Variants in NECAB1 observed in about 807,000 individuals in gnomAD.
NECAB1 encodes N-terminal EF-hand calcium binding protein 1.
A neutral mutation model predicts 57.5 loss-of-function variants in NECAB1; 29 were observed. The ratio of observed to expected loss-of-function variants is 0.50; its 90% CI spans 0.38 to 0.69. NECAB1 has a LOEUF of 0.69. NECAB1 is among the 30% of genes least tolerant of loss of function. NECAB1 has a pLI of 0.00. For missense variants in NECAB1, 372 were observed against 413.8 expected (o/e 0.90, Z 0.88); for synonymous variants, 142 against 147.7 (o/e 0.96, Z 0.28).
At chr8:90,849,233 G>A (rs1211859266) in intron 3 of NECAB1, among the ~76,000 whole-genome samples, 30 of 152,316 alleles carry the variant, frequency 2.0e-4, no homozygotes. Flanking sequence ...ACTGTGGGAA[G>A]CCACAGAAGG....
At chr8:90,840,949 T>C (rs1812443765) in intron 3 of NECAB1, among the ~76,000 whole-genome samples, 2 of 67,702 alleles carry the variant, frequency 3.0e-5, no homozygotes, top group African/African-American at 7.0e-5. Flanking sequence ...GTAAATCTAT[T>C]CAAAAAAAAA....
At chr8:90,886,573 T>C (rs1295155265) in intron 5 of NECAB1, among the ~76,000 whole-genome samples, 2 of 151,988 alleles carry the variant, frequency 1.3e-5, no homozygotes, top group African/African-American at 4.8e-5. Flanking sequence ...TTGGTGGAGA[T>C]AGGGTTTCAC....
At chr8:90,801,348 A>G (rs1183560404) in intron 1 of NECAB1, among the ~76,000 whole-genome samples, 1 of 152,196 alleles carries the variant, frequency 6.6e-6, no homozygotes, top group Non-Finnish European at 1.5e-5. Context: ...AAATGGAATT[A>G]TAAGTAGGTA....
At chr8:90,846,993 T>C (rs1383517295) in intron 3 of NECAB1, among the ~76,000 whole-genome samples, 2 of 152,304 alleles carry the variant, frequency 1.3e-5, no homozygotes, top group Middle Eastern at 3.4e-3. Context: ...TCCCACATTT[T>C]AAAACACAAT....
intron 1 of NECAB1, among the ~76,000 whole-genome samples, chr8:90,797,636 G>A (rs1811684516): frequency 6.6e-6 from 1 of 152,138 alleles, no homozygotes; most frequent in Non-Finnish European, 1.5e-5. Flanking sequence ...ATGTGCTAGT[G>A]GGGCATCCTC....
intron 12 of NECAB1, among the ~76,000 whole-genome samples, chr8:90,954,428 G>A (rs1323813764): frequency 6.6e-6 from 1 of 151,874 alleles, no homozygotes; most frequent in African/African-American, 2.4e-5. Context: ...GACAAAAGGA[G>A]TATATAAACT....
At chr8:90,895,708 C>T (rs1423222773) in intron 5 of NECAB1, among the ~76,000 whole-genome samples, 1 of 152,188 alleles carries the variant, frequency 6.6e-6, no homozygotes, top group Non-Finnish European at 1.5e-5. Flanking sequence ...CTTCCTTGCC[C>T]CATGAAGTTA....
At chr8:90,813,124 C>T (rs1272842421) in intron 2 of NECAB1, 1 of 152,044 alleles carries the variant, frequency 6.6e-6, no homozygotes, top group African/African-American at 2.4e-5. Context: ...GGAGGCGGAG[C>T]TTTCAGTGAG....
At chr8:90,815,136 T>C (rs1438818853) in intron 2 of NECAB1, among the ~76,000 whole-genome samples, 2 of 152,068 alleles carry the variant, frequency 1.3e-5, no homozygotes, top group Non-Finnish European at 2.9e-5. Flanking sequence ...ATTTACATAA[T>C]TGTTTAATCC....
intron 4 of NECAB1, among the ~76,000 whole-genome samples, chr8:90,873,383 G>C (rs1030861708): frequency 6.6e-6 from 1 of 152,196 alleles, no homozygotes; most frequent in African/African-American, 2.4e-5. Context: ...ACATGGTTAA[G>C]TACCTGAAAG....
At chr8:90,924,844 A>G (rs952540497) in intron 6 of NECAB1, among the ~76,000 whole-genome samples, 1 of 152,166 alleles carries the variant, frequency 6.6e-6, no homozygotes, top group African/African-American at 2.4e-5. Flanking sequence ...AAGTTAATAG[A>G]TAAAGCCTAA....
chr8:90,913,195 A>C (rs1464815603), intron 5 of NECAB1, among the ~76,000 whole-genome samples: 2 of 152,202 alleles, frequency 1.3e-5, no homozygotes, highest in Admixed American at 1.3e-4. Flanking sequence ...GATTCAAAGC[A>C]CTATGCTTCC....
intron 3 of NECAB1, among the ~76,000 whole-genome samples, chr8:90,868,022 G>A (rs1370938118): frequency 6.6e-6 from 1 of 152,146 alleles, no homozygotes; most frequent in Non-Finnish European, 1.5e-5. Context: ...TTGTGATTGT[G>A]AGTGAGTTTT....
chr8:90,934,265 A>T (rs537970181), intron 8 of NECAB1, 39 bp from the exon 9 acceptor site: 7 of 1,413,560 alleles, frequency 5.0e-6, no homozygotes, highest in African/African-American at 2.9e-5. Flanking sequence ...AAATGATATA[A>T]TTTTTTTTCT....
chr8:90,935,139 G>T (rs1460474596), intron 9 of NECAB1, among the ~76,000 whole-genome samples: 1 of 152,018 alleles, frequency 6.6e-6, no homozygotes, highest in Non-Finnish European at 1.5e-5. Flanking sequence ...GATGTCAAAG[G>T]ATTGGTCACA....
chr8:90,955,176 G>C (rs1403577067), intron 12 of NECAB1, among the ~76,000 whole-genome samples: 1 of 133,404 alleles, frequency 7.5e-6, no homozygotes, highest in African/African-American at 2.8e-5. Flanking sequence ...GTGTTGGGTA[G>C]ATTCTAATAA....
intron 2 of NECAB1, among the ~76,000 whole-genome samples, chr8:90,805,236 A>C (rs1811828275): frequency 6.6e-6 from 1 of 152,248 alleles, no homozygotes; most frequent in Non-Finnish European, 1.5e-5. Context: ...CTGTATTTGC[A>C]AATAGACAGC....
chr8:90,880,698 A>G (rs1808820831), intron 4 of NECAB1, among the ~76,000 whole-genome samples: 1 of 152,180 alleles, frequency 6.6e-6, no homozygotes, highest in Non-Finnish European at 1.5e-5. Context: ...TAAAATTACT[A>G]TCCCAGTGAG....
chr8:90,818,967 A>G (rs953108534), intron 2 of NECAB1, among the ~76,000 whole-genome samples: 8 of 152,102 alleles, frequency 5.3e-5, no homozygotes, highest in African/African-American at 1.9e-4. Flanking sequence ...TAAAAGTATA[A>G]TAATTTTAAA....
Sources: allele counts gnomAD v4.1 joint callset (sites outside exome capture counted in the v4.1 genomes callset), GRCh38; gene constraint gnomAD v4.1.1; transcripts MANE v1.5; gene names NCBI Gene and HGNC (gene_info 2026-07-23, HGNC 2026-07-21).